Variants in GPR108 observed in about 807,000 individuals in gnomAD.
GPR108 encodes the protein protein GPR108.
A neutral mutation model predicts 74.3 loss-of-function variants in GPR108; 60 were observed. The observed-to-expected ratio is 0.81, with a 90% CI of 0.66 to 1.00. GPR108 has a LOEUF of 1.00. Ranked by LOEUF, GPR108 falls within the 50% of genes least tolerant of loss-of-function variation. The pLI is 0.00. For synonymous variants in GPR108, 311 were observed against 292.4 expected, an observed-to-expected ratio of 1.06 and a Z score of -0.65; for missense variants, 667 against 703.3, an observed-to-expected ratio of 0.95 and a Z score of 0.58.
chr19:6,732,058 A>G lies in GPR108; in HGVS notation c.1223T>C (p.Ile408Thr), dbSNP rs376205590. 1.1e-5 allele frequency: 17 copies of G among 1,613,818 alleles called. No homozygotes were observed. The African/African-American group carries it at 1.9e-4, about 18-fold the overall frequency. ...WKEILFLVDL[I>T]CCGAILFPVV... Reference sequence around the variant, plus strand: ...GGGGAACAGGATGGCACCACAGCAGATGAGGTCCACCAGGAACAAAATCTC... The same window carrying G: ...GGGGAACAGGATGGCACCACAGCAGGTGAGGTCCACCAGGAACAAAATCTC... Residue 408 changes from isoleucine to threonine, a missense_variant, in exon 13 of 18, where the codon ATC (isoleucine) becomes ACC (threonine). Physicochemically the swap from Ile to Thr is moderately conservative, Grantham distance 89. Transcript: ENST00000264080.
At chr19:6,736,870 G>T in intron 1 of GPR108, 159 bp from the exon 2 acceptor site, 1 of 953,708 alleles carries the variant, frequency 1.0e-6, no homozygotes, top group Non-Finnish European at 1.5e-6. Context: ...CTTCCTCCCT[G>T]CAGGGGAAGG....
chr19:6,734,889 T>G (rs925162332), intron 4 of GPR108, among the ~76,000 whole-genome samples: 3 of 131,992 alleles, frequency 2.3e-5, no homozygotes, highest in African/African-American at 5.9e-5. Flanking sequence ...ATTATTATTA[T>G]TATTATTTTG....
chr19:6,731,779 A>G, intron 14 of GPR108, 112 bp downstream of exon 14: 1 of 1,254,748 alleles, frequency 8.0e-7, no homozygotes, highest in Non-Finnish European at 1.1e-6. Flanking sequence ...CCAGGGAGGC[A>G]GAGGCCTGGG....
rs1456898864 is a variant in GPR108 at position 6,733,120 on chromosome 19, G to A, written c.857+48C>T. 12 of 1,613,432 alleles carry A rather than the reference G, an allele frequency of 7.4e-6. No homozygotes were observed. In the Admixed American group the frequency reaches 1.8e-4, roughly 25 times the overall value. On this transcript the variant is annotated intron_variant, in intron 9 of 17. Coordinates refer to ENST00000264080, the MANE Select transcript of GPR108 (RefSeq NM_001080452.2). ...GGGGCATCAGCAGAGCATAGGGATGGGGGTCTGGTGAAGGGACGTGGGGGA... is the reference window on the plus strand; with the variant it reads ...GGGGCATCAGCAGAGCATAGGGATGAGGGTCTGGTGAAGGGACGTGGGGGA...
chr19:6,732,567 G>A lies in GPR108; in HGVS notation c.934-18C>T, dbSNP rs1722442785. ...TAGTTGATCTGGGGGTGGATGGACA[G>A]ACGGACAGTGAGGCGCACAGAGGGG... On this transcript the variant is annotated intron_variant, in intron 10 of 17. Coordinates refer to ENST00000264080, the MANE Select transcript of GPR108 (RefSeq NM_001080452.2). The A allele has an allele frequency of 5.6e-6, 9 of 1,605,386 alleles. 1 individual carries two copies. The South Asian group carries it at 8.8e-5, about 16-fold the overall frequency.
chr19:6,737,429 C>T lies in GPR108; in HGVS notation c.120+28G>A, dbSNP rs780517746. The T allele has an allele frequency of 2.5e-6, 4 of 1,585,000 alleles. No homozygotes were observed. In the South Asian group the frequency reaches 4.5e-5, roughly 18 times the overall value. On this transcript the variant is annotated intron_variant, in intron 1 of 17. Coordinates refer to ENST00000264080, the MANE Select transcript of GPR108 (RefSeq NM_001080452.2). ...CTCCGAGACAAAGTTGCGCCACCGA[C>T]CCCAGACCCTCGCGCGGCGGGCCTC...
intron 3 of GPR108, 46 bp from the exon 4 acceptor site, chr19:6,735,750 G>A (rs1968609116): frequency 1.9e-6 from 3 of 1,585,822 alleles, no homozygotes; most frequent in Non-Finnish European, 2.6e-6. Flanking sequence ...CTCCTCTCCT[G>A]GTCCAGCTCC....
At chr19:6,732,578 A>C in intron 10 of GPR108, 29 bp from the exon 11 acceptor site, 1 of 1,516,910 alleles carries the variant, frequency 6.6e-7, no homozygotes, top group Non-Finnish European at 9.1e-7. Context: ...ACGGACAGTG[A>C]GGCGCACAGA....
chr19:6,732,933 C>A, intron 10 of GPR108, 54 bp downstream of exon 10: 1 of 1,482,714 alleles, frequency 6.7e-7, no homozygotes. Context: ...TGGGGGATGG[C>A]CCGGGTGGGC....
In GPR108 at chr19:6,731,194, C is replaced by G. The variant is rs1032595375; in HGVS notation, c.1434+5G>C. 6.9e-6 allele frequency: 11 copies of G among 1,596,066 alleles called. No homozygotes were observed. The African/African-American group carries it at 1.3e-4, about 19-fold the overall frequency. On this transcript the variant is annotated splice_donor_5th_base_variant and intron_variant, in intron 16 of 17. Transcript: ENST00000264080. ...CCTCCCGTCCCACCTGGGCCTCGGG[C>G]TCACCTGGTACAGCCACTGCCACTG...
chr19:6,730,333 G>A lies in GPR108; in HGVS notation c.1611C>T (p.Ala537=). Residue 537 remains alanine (A), a synonymous_variant, in exon 18 of 18, where the codon GCC becomes GCT. Transcript: ENST00000264080. ...GTGATCATAACAGTTCCCGCCCGCT[G>A]GCTGTTTTGTTGACTTTGGAGAGGC... ...REGLSKVNKT[A]SGRELL The A allele has an allele frequency of 6.2e-7, 1 of 1,613,822 alleles. No homozygotes were observed. The highest frequency in any genetic ancestry group is 1.3e-5 in the African/African-American group (1 of 75,002).
chr19:6,733,495 C>CG (rs1386409182), intron 8 of GPR108, 75 bp downstream of exon 8: 56 of 1,476,752 alleles, frequency 3.8e-5, no homozygotes, highest in Admixed American at 5.1e-5. Context: ...AAAAGCTAAG[C>CG]GGGGTGAGGC....
intron 14 of GPR108, 50 bp from the exon 15 acceptor site, chr19:6,731,572 G>T: frequency 2.4e-6 from 2 of 828,894 alleles, no homozygotes. Context: ...GGGTGGGAGG[G>T]AGGGGAGGGG....
chr19:6,736,507 T>G, intron 2 of GPR108, 85 bp downstream of exon 2: 1 of 1,373,212 alleles, frequency 7.3e-7, no homozygotes, highest in Non-Finnish European at 1.0e-6. Flanking sequence ...TTGTACAAGA[T>G]CACATGGGTA....
At chr19:6,735,447 C>T (rs919931221) in intron 4 of GPR108, 175 bp downstream of exon 4, 23 of 605,226 alleles carry the variant, frequency 3.8e-5, no homozygotes, top group Non-Finnish European at 5.9e-5. Flanking sequence ...CACCAACACC[C>T]GCGGAGTCCC....
intron 8 of GPR108, 53 bp downstream of exon 8, chr19:6,733,515 CCG>C: frequency 6.5e-7 from 1 of 1,544,582 alleles, no homozygotes. Context: ...CACTCTGGGC[CCG>C]CAGTGGCCTG....
At chr19:6,737,190 T>TG (rs1968673330) in intron 1 of GPR108, 2 of 493,032 alleles carry the variant, frequency 4.1e-6, no homozygotes, top group South Asian at 5.2e-5. Context: ...AAGACCCAGT[T>TG]GGGGGGAAGG....
chr19:6,736,448 AT>A, intron 2 of GPR108, 143 bp downstream of exon 2: 1 of 849,868 alleles, frequency 1.2e-6, no homozygotes. Flanking sequence ...GTAAGACATC[AT>A]TACTCCCAGG....
At position 6,736,710 on chromosome 19, in the gene GPR108, C is replaced by T; in HGVS notation, c.122G>A (p.Gly41Glu). ...CAGCTGGATGTCCGCTCGCTTCTCC[C>T]CCTGCCGGAGACCAAGGAGGCAGAG... ...SGRIHQLALT[G>E]EKRADIQLNS... The change falls in exon 2 of 18, where the codon GGG (glycine) becomes GAG (glutamate). Residue 41 changes from glycine to glutamate, a missense_variant and splice_region_variant. Coordinates refer to ENST00000264080, the MANE Select transcript of GPR108 (RefSeq NM_001080452.2). The T allele has an allele frequency of 6.2e-7, 1 of 1,614,086 alleles. No individual in the cohort carries two copies. The highest frequency in any genetic ancestry group is 1.3e-5 in the African/African-American group (1 of 75,032).
Sources: allele counts gnomAD v4.1 joint callset (sites outside exome capture counted in the v4.1 genomes callset), GRCh38; gene constraint gnomAD v4.1.1; transcripts MANE v1.5; gene names NCBI Gene and HGNC (gene_info 2026-07-23, HGNC 2026-07-21).